Variants in ARHGAP15 observed in about 807,000 individuals in gnomAD.
The protein encoded by ARHGAP15 is rho GTPase-activating protein 15.
ARHGAP15 carries 51 observed loss-of-function variants against 63.7 expected under a neutral mutation model. That is an observed-to-expected ratio of 0.80 (90% CI 0.64 to 1.01). ARHGAP15 has a LOEUF of 1.01. Among genes scored for constraint, ARHGAP15 ranks in the 50% least tolerant of loss-of-function variants. ARHGAP15 has a pLI of 0.00. For synonymous variants in ARHGAP15, 191 were observed against 193.8 expected (o/e 0.99, Z 0.12); for missense variants, 560 against 564.6 (o/e 0.99, Z 0.08).
intron 8 of ARHGAP15, among the ~76,000 whole-genome samples, chr2:143,478,529 C>T (rs1230763803): frequency 6.6e-6 from 1 of 152,140 alleles, no homozygotes; most frequent in Non-Finnish European, 1.5e-5. Context: ...TCAGACACCA[C>T]CTGAGTTGTG....
intron 10 of ARHGAP15, among the ~76,000 whole-genome samples, chr2:143,552,568 TG>T (rs1360284791): frequency 8.1e-6 from 1 of 123,656 alleles, no homozygotes; most frequent in Admixed American, 7.6e-5. Flanking sequence ...AAAGTCGGGG[TG>T]GGGAGGCAGG....
intron 11 of ARHGAP15, among the ~76,000 whole-genome samples, chr2:143,561,427 C>T (rs1196826111): frequency 1.3e-5 from 2 of 152,134 alleles, no homozygotes; most frequent in Non-Finnish European, 2.9e-5. Flanking sequence ...TCTGTTAGTA[C>T]ACAGTTACAA....
chr2:143,397,397 C>T lies in ARHGAP15; in HGVS notation c.475-38204C>T, dbSNP rs184287573. ...TCATGTGATAAATGTGTGACTAGTA[C>T]TTACATTTCTGGTCATTTGTTTTGC... On this transcript the variant is annotated intron_variant, in intron 6 of 13. Coordinates refer to ENST00000295095, the MANE Select transcript of ARHGAP15 (RefSeq NM_018460.4). 6.0e-5 allele frequency among the ~76,000 whole-genome samples: 9 copies of T among 150,534 alleles called. No individual in the cohort carries two copies. In the East Asian group the frequency reaches 9.7e-4, roughly 16 times the overall value.
At chr2:143,625,413 C>T (rs1418031612) in intron 12 of ARHGAP15, among the ~76,000 whole-genome samples, 1 of 152,080 alleles carries the variant, frequency 6.6e-6, no homozygotes, top group Admixed American at 6.6e-5. Flanking sequence ...AATTTCTCTC[C>T]CAAGGTCTTT....
chr2:143,549,079 A>C (rs1321606282), intron 10 of ARHGAP15, among the ~76,000 whole-genome samples: 1 of 152,178 alleles, frequency 6.6e-6, no homozygotes, highest in East Asian at 1.9e-4. Flanking sequence ...TCACGTAACA[A>C]CTGTTTTAAA....
intron 12 of ARHGAP15, among the ~76,000 whole-genome samples, chr2:143,683,434 GA>G (rs145839049): frequency 1.4e-4 from 21 of 150,002 alleles, no homozygotes; most frequent in East Asian, 1.4e-3. Flanking sequence ...TTCTGCTTTT[GA>G]AAAAAAAACA....
At chr2:143,682,269 TAAAC>T (rs998916129) in intron 12 of ARHGAP15, among the ~76,000 whole-genome samples, 10 of 151,758 alleles carry the variant, frequency 6.6e-5, no homozygotes, top group African/African-American at 1.7e-4. Flanking sequence ...CTATGAAAAT[TAAAC>T]TAACGCTGTA....
intron 11 of ARHGAP15, among the ~76,000 whole-genome samples, chr2:143,584,809 T>C (rs1169651734): frequency 6.6e-6 from 1 of 152,196 alleles, no homozygotes; most frequent in Non-Finnish European, 1.5e-5. Flanking sequence ...ACATCTTTTA[T>C]TCTCAGTGCA....
chr2:143,472,456 G>A (rs1030430890), intron 8 of ARHGAP15, among the ~76,000 whole-genome samples: 3 of 152,072 alleles, frequency 2.0e-5, no homozygotes, highest in African/African-American at 7.2e-5. Context: ...GTCTCAACAG[G>A]CGATTCCTAG....
intron 11 of ARHGAP15, among the ~76,000 whole-genome samples, chr2:143,560,812 T>G (rs1483686217): frequency 1.3e-5 from 2 of 152,368 alleles, no homozygotes; most frequent in East Asian, 3.9e-4. Context: ...CACGCTATTC[T>G]GTTGCAGCCT....
chr2:143,519,078 G>A, intron 9 of ARHGAP15, 188 bp from the exon 10 acceptor site: 1 of 434,304 alleles, frequency 2.3e-6, no homozygotes, highest in Non-Finnish European at 4.3e-6. Context: ...TCTGGGGCGA[G>A]GGTCCTGTTC....
chr2:143,602,473 T>C (rs1697812636), intron 11 of ARHGAP15, among the ~76,000 whole-genome samples: 1 of 152,130 alleles, frequency 6.6e-6, no homozygotes. Flanking sequence ...AACAGATTTT[T>C]GTTGTTGTTG....
intron 11 of ARHGAP15, among the ~76,000 whole-genome samples, chr2:143,612,063 A>T (rs757412162): frequency 6.6e-6 from 1 of 152,216 alleles, no homozygotes; most frequent in Admixed American, 6.5e-5. Flanking sequence ...CGTGAAATAC[A>T]GTCTGGATAT....
intron 12 of ARHGAP15, 149 bp from the exon 13 acceptor site, chr2:143,703,270 A>G (rs1283473952): frequency 3.6e-6 from 2 of 558,990 alleles, no homozygotes; most frequent in East Asian, 6.1e-5. Context: ...CTTAATAACC[A>G]GGTTGAGTCC....
intron 13 of ARHGAP15, among the ~76,000 whole-genome samples, chr2:143,727,912 T>C (rs1413692073): frequency 6.6e-6 from 1 of 152,268 alleles, no homozygotes; most frequent in African/African-American, 2.4e-5. Context: ...GTTTGTTTTA[T>C]AATTAAAGTT....
chr2:143,419,844 T>C (rs1215354727), intron 6 of ARHGAP15, among the ~76,000 whole-genome samples: 1 of 148,234 alleles, frequency 6.7e-6, no homozygotes, highest in East Asian at 2.0e-4. Flanking sequence ...TGCTTTAATA[T>C]ATTTTCCTAA....
intron 6 of ARHGAP15, among the ~76,000 whole-genome samples, chr2:143,407,893 G>C (rs1370223837): frequency 6.8e-6 from 1 of 147,554 alleles, no homozygotes; most frequent in Admixed American, 6.8e-5. Flanking sequence ...GTAGGTCCAA[G>C]TTTTCCTAGA....
At chr2:143,525,545 C>T (rs1694236699) in intron 10 of ARHGAP15, among the ~76,000 whole-genome samples, 1 of 151,864 alleles carries the variant, frequency 6.6e-6, no homozygotes, top group Admixed American at 6.6e-5. Flanking sequence ...TAAAGAAGCT[C>T]CATGAAAGTT....
rs532475295 is a variant in ARHGAP15 at position 143,516,122 on chromosome 2, C to T, written c.827-3144C>T. On this transcript the variant is annotated intron_variant, in intron 9 of 13. Coordinates refer to ENST00000295095, the MANE Select transcript of ARHGAP15 (RefSeq NM_018460.4). ...GCGTTTCCCCAGTTATAGCAGTTTTCTCATGATAAAATGTTCTTACCTGTT... is the reference window on the plus strand; with the variant it reads ...GCGTTTCCCCAGTTATAGCAGTTTTTTCATGATAAAATGTTCTTACCTGTT... 5.3e-5 allele frequency among the ~76,000 whole-genome samples: 8 copies of T among 152,318 alleles called. No individual in the cohort carries two copies. In the East Asian group the frequency reaches 1.5e-3, roughly 29 times the overall value.
Sources: allele counts gnomAD v4.1 joint callset (sites outside exome capture counted in the v4.1 genomes callset), GRCh38; gene constraint gnomAD v4.1.1; transcripts MANE v1.5; gene names NCBI Gene and HGNC (gene_info 2026-07-23, HGNC 2026-07-21).